Variants in ULK4 observed in about 807,000 individuals in gnomAD.
ULK4 encodes the protein unc-51 like kinase 4.
Under a neutral mutation model 160.6 loss-of-function variants are expected in ULK4, and 133 were observed. The ratio of observed to expected loss-of-function variants is 0.83; its 90% confidence interval spans 0.72 to 0.96. The LOEUF is 0.96. ULK4 is among the 40% of genes least tolerant of loss of function. ULK4 has a pLI of 0.00. For missense variants in ULK4, 1,580 were observed against 1,499.5 expected (o/e 1.05, Z -0.89); for synonymous variants, 534 against 539.8 (o/e 0.99, Z 0.15).
chr3:41,717,586 T>C (rs2125845703), intron 23 of ULK4, 142 bp downstream of exon 23: 2 of 1,057,200 alleles, frequency 1.9e-6, no homozygotes, highest in Middle Eastern at 2.2e-4. Context: ...AATTTAAATC[T>C]TGAAACTACA....
At chr3:41,791,720 G>T (rs950549479) in intron 20 of ULK4, among the ~76,000 whole-genome samples, 1 of 152,042 alleles carries the variant, frequency 6.6e-6, no homozygotes, top group Non-Finnish European at 1.5e-5. Flanking sequence ...AACATTTATG[G>T]GAGATTTTTA....
chr3:41,827,682 A>G (rs1188706853), intron 18 of ULK4, among the ~76,000 whole-genome samples: 7 of 152,222 alleles, frequency 4.6e-5, no homozygotes, highest in African/African-American at 1.7e-4. Flanking sequence ...AAAAAAGTTC[A>G]GGACTAGATG....
chr3:41,866,700 G>GT (rs1420287603), intron 17 of ULK4, among the ~76,000 whole-genome samples: 2 of 152,174 alleles, frequency 1.3e-5, no homozygotes, highest in African/African-American at 4.8e-5. Context: ...ATGCGCTTGT[G>GT]TATGTGTGAT....
Position 41,788,676 on chromosome 3 carries a change from C to G in ULK4, c.2193+985G>C, listed in dbSNP as rs577937201. ...CTGCACTCCAGCCTGGGCGACAGAG[C>G]GAGCCTCCATCTCAAAAAAAAAAGA... On this transcript the variant is annotated intron_variant, in intron 21 of 36. Transcript: ENST00000301831. 8.3e-4 allele frequency among the ~76,000 whole-genome samples: 126 copies of G among 150,928 alleles called. 1 individual carries two copies. Among genetic ancestry groups the G allele is most frequent in the Admixed American group, 1.5e-3 (23 of 15,072 alleles).
intron 31 of ULK4, among the ~76,000 whole-genome samples, chr3:41,566,815 A>G (rs938260209): frequency 1.3e-5 from 2 of 152,204 alleles, no homozygotes; most frequent in Non-Finnish European, 2.9e-5. Context: ...ATTTTTTAAA[A>G]TTAAGCAATT....
At chr3:41,835,760 C>T in intron 18 of ULK4, 104 bp downstream of exon 18, 3 of 752,564 alleles carry the variant, frequency 4.0e-6, no homozygotes, top group Non-Finnish European at 6.6e-6. Context: ...CTCAGGCGTG[C>T]TCTAAGGCGC....
At chr3:41,506,786 A>ATATG (rs2085405428) in intron 32 of ULK4, among the ~76,000 whole-genome samples, 2 of 95,998 alleles carry the variant, frequency 2.1e-5, no homozygotes, top group Non-Finnish European at 4.3e-5. Flanking sequence ...ATATATATAT[A>ATATG]TATATATATA....
intron 20 of ULK4, among the ~76,000 whole-genome samples, chr3:41,792,494 C>A (rs1396614911): frequency 6.6e-6 from 1 of 152,074 alleles, no homozygotes; most frequent in Non-Finnish European, 1.5e-5. Context: ...TTCAACACAG[C>A]ACAACAGTAA....
At chr3:41,393,169 C>G (rs6763177) in intron 35 of ULK4, among the ~76,000 whole-genome samples, 20 of 152,136 alleles carry the variant, frequency 1.3e-4, no homozygotes, top group Middle Eastern at 3.2e-3. Context: ...ATAACAAAAC[C>G]GCTGTATTTT....
intron 22 of ULK4, among the ~76,000 whole-genome samples, chr3:41,729,309 T>C (rs1311381016): frequency 1.3e-5 from 2 of 152,222 alleles, no homozygotes; most frequent in African/African-American, 4.8e-5. Context: ...GCAGTTTTCG[T>C]TGCTGAAGAA....
At chr3:41,786,598 CAAAAAAA>C (rs34207417) in intron 21 of ULK4, among the ~76,000 whole-genome samples, 3 of 64,138 alleles carry the variant, frequency 4.7e-5, no homozygotes, top group African/African-American at 4.3e-5. Context: ...ATCCTGTCTC[CAAAAAAA>C]AAAAAAAAAA....
chr3:41,838,152 G>C (rs1037831776), intron 17 of ULK4, among the ~76,000 whole-genome samples: 2 of 152,134 alleles, frequency 1.3e-5, no homozygotes, highest in African/African-American at 4.8e-5. Context: ...TACTCTAAAA[G>C]AGAAAGAAAA....
chr3:41,354,537 A>G (rs748872435), intron 35 of ULK4, among the ~76,000 whole-genome samples: 39 of 152,202 alleles, frequency 2.6e-4, no homozygotes, highest in Admixed American at 5.9e-4. Flanking sequence ...TATGACAACA[A>G]TATATGGTAA....
At chr3:41,602,878 A>G (rs1241276157) in intron 31 of ULK4, among the ~76,000 whole-genome samples, 2 of 152,144 alleles carry the variant, frequency 1.3e-5, no homozygotes, top group Non-Finnish European at 2.9e-5. Flanking sequence ...AGACAAATAA[A>G]AATGAAATTC....
At chr3:41,804,945 A>G (rs2040594873) in intron 19 of ULK4, among the ~76,000 whole-genome samples, 1 of 152,130 alleles carries the variant, frequency 6.6e-6, no homozygotes, top group Admixed American at 6.5e-5. Flanking sequence ...CTTTTGGCTT[A>G]GGACTGACTT....
chr3:41,916,110 A>AT, intron 7 of ULK4, 58 bp from the exon 8 acceptor site: 1 of 1,095,718 alleles, frequency 9.1e-7, no homozygotes, highest in Non-Finnish European at 1.3e-6. Context: ...TATCAATTTT[A>AT]TTTTTATCTC....
At chr3:41,769,872 A>ATTGATCT (rs2039295369) in intron 21 of ULK4, among the ~76,000 whole-genome samples, 1 of 152,232 alleles carries the variant, frequency 6.6e-6, no homozygotes, top group Non-Finnish European at 1.5e-5. Flanking sequence ...CAATGGTCAA[A>ATTGATCT]GCTAAAAATC....
chr3:41,346,394 T>A (rs182254538), intron 35 of ULK4, among the ~76,000 whole-genome samples: 1 of 152,170 alleles, frequency 6.6e-6, no homozygotes, highest in East Asian at 1.9e-4. Context: ...GAACCCTAGG[T>A]TTCCTCTTCA....
chr3:41,639,836 A>G (rs2034111599), intron 30 of ULK4, among the ~76,000 whole-genome samples: 2 of 152,226 alleles, frequency 1.3e-5, no homozygotes, highest in African/African-American at 4.8e-5. Flanking sequence ...TAAAATTAAG[A>G]TGTTAATCTG....
Sources: allele counts gnomAD v4.1 joint callset (sites outside exome capture counted in the v4.1 genomes callset), GRCh38; gene constraint gnomAD v4.1.1; transcripts MANE v1.5; gene names NCBI Gene and HGNC (gene_info 2026-07-23, HGNC 2026-07-21).